The following ZFPM2 variants were observed in gnomAD, a reference collection of about 807,000 sequenced individuals.
ZFPM2 encodes zinc finger protein, FOG family member 2, also known as zinc finger protein ZFPM2.
A neutral mutation model predicts 98.6 loss-of-function variants in ZFPM2; 20 were observed. That is an observed-to-expected ratio of 0.20 (90% CI 0.14 to 0.29). ZFPM2 has a LOEUF of 0.29. Among genes scored for constraint, ZFPM2 ranks in the 10% least tolerant of loss-of-function variants. The pLI, the probability that ZFPM2 is intolerant of heterozygous loss-of-function variation, is 1.00. For missense variants in ZFPM2, 1,310 were observed against 1,388.6 expected (o/e 0.94, Z 0.90); for synonymous variants, 518 against 502.7 (o/e 1.03, Z -0.41).
intron 3 of ZFPM2, among the ~76,000 whole-genome samples, chr8:105,486,114 C>G (rs1309716081): frequency 6.6e-6 from 1 of 151,982 alleles, no homozygotes; most frequent in African/African-American, 2.4e-5. Flanking sequence ...ATTCCTTCTG[C>G]TTGACTCATA....
chr8:105,421,493 C>A (rs2130092021), intron 2 of ZFPM2, among the ~76,000 whole-genome samples: 1 of 152,134 alleles, frequency 6.6e-6, no homozygotes, highest in Admixed American at 6.5e-5. Context: ...TTTACTCTTG[C>A]AGAATGTGTG....
Position 105,798,763 on chromosome 8 carries a change from G to A in ZFPM2, c.779G>A (p.Arg260Gln), listed in dbSNP as rs200834568. 2.7e-5 allele frequency: 43 copies of A among 1,613,854 alleles called. No individual in the cohort carries two copies. The highest frequency in any genetic ancestry group is 4.0e-5 in the African/African-American group (3 of 75,014). ...FPCKSCGIWY[R>Q]SERNLQAHLM... is the part of the protein sequence containing the mutation. ...TGCAAGTCCTGTGGCATCTGGTATC[G>A]GAGTGAGCGGAATCTGCAGGCCCAT... Residue 260 changes from arginine (R) to glutamine (Q), a missense_variant, in exon 7 of 8, where the codon CGG becomes CAG. Coordinates refer to ENST00000407775, the MANE Select transcript of ZFPM2 (RefSeq NM_012082.4).
At chr8:105,788,052 A>G (rs1260713629) in intron 5 of ZFPM2, among the ~76,000 whole-genome samples, 1 of 152,208 alleles carries the variant, frequency 6.6e-6, no homozygotes, top group Non-Finnish European at 1.5e-5. Context: ...GATTTTTGGC[A>G]TATCTTCATT....
intron 5 of ZFPM2, among the ~76,000 whole-genome samples, chr8:105,769,520 T>C (rs1812936435): frequency 6.6e-6 from 1 of 152,032 alleles, no homozygotes; most frequent in South Asian, 2.1e-4. Flanking sequence ...GACTTTTTAT[T>C]TTGGAAAGAT....
chr8:105,667,436 CA>C (rs1212018281), intron 5 of ZFPM2, among the ~76,000 whole-genome samples: 12 of 152,088 alleles, frequency 7.9e-5, no homozygotes, highest in African/African-American at 2.9e-4. Flanking sequence ...ATGATTCATT[CA>C]AAATGCAACC....
At chr8:105,381,091 A>G (rs10095725) in intron 1 of ZFPM2, among the ~76,000 whole-genome samples, 134,932 of 135,764 alleles carry the variant, frequency 0.99, 67,057 homozygotes, top group East Asian at 1. Flanking sequence ...CCCACCCCTC[A>G]ACAGGCCCTG....
intron 3 of ZFPM2, among the ~76,000 whole-genome samples, chr8:105,517,410 CAAAT>C (rs1017619747): frequency 1.3e-5 from 2 of 151,970 alleles, no homozygotes; most frequent in Admixed American, 1.3e-4. Context: ...ATATAATTGA[CAAAT>C]AAAAATTATA....
At chr8:105,643,667 G>A (rs184864807) in intron 5 of ZFPM2, among the ~76,000 whole-genome samples, 3 of 152,260 alleles carry the variant, frequency 2.0e-5, no homozygotes, top group Admixed American at 2.0e-4. Context: ...TTGACCACAA[G>A]GAGATGTGAG....
intron 1 of ZFPM2, among the ~76,000 whole-genome samples, chr8:105,397,250 T>TA (rs1421014157): frequency 6.6e-6 from 1 of 152,098 alleles, no homozygotes; most frequent in Non-Finnish European, 1.5e-5. Flanking sequence ...TGCATCAAAA[T>TA]AAAAAAGATT....
chr8:105,372,635 G>C (rs530182074), intron 1 of ZFPM2, among the ~76,000 whole-genome samples: 3 of 152,204 alleles, frequency 2.0e-5, no homozygotes, highest in South Asian at 4.2e-4. Flanking sequence ...TAGTGTCCTA[G>C]GGTTGATTTA....
At chr8:105,721,489 A>G (rs1811663217) in intron 5 of ZFPM2, among the ~76,000 whole-genome samples, 1 of 151,978 alleles carries the variant, frequency 6.6e-6, no homozygotes, top group Non-Finnish European at 1.5e-5. Context: ...TAATGACAAC[A>G]GATTATATTA....
In ZFPM2 at chr8:105,803,120, A is replaced by C. The variant is rs1349096803; in HGVS notation, c.3038A>C (p.Glu1013Ala). 1 of 1,613,936 alleles carries C rather than the reference A, an allele frequency of 6.2e-7. No homozygotes were observed. The highest frequency in any genetic ancestry group is 1.7e-5 in the Admixed American group (1 of 60,002). The stretch of plus-strand genomic sequence containing the variant: ...GAGCAAAGCAGAAATGCAGAAAATG[A>C]ATCTCCTAAAGGCCAGGCTTCCTCA... ...DIEQSRNAEN[E>A]SPKGQASSNG... The change falls in exon 8 of 8, where the codon GAA (glutamate) becomes GCA (alanine). Residue 1013 changes from glutamate (E) to alanine (A), a missense_variant. Physicochemically the swap from Glu to Ala is moderately radical, Grantham distance 107. Transcript: ENST00000407775.
At chr8:105,714,358 C>T (rs1463175217) in intron 5 of ZFPM2, among the ~76,000 whole-genome samples, 2 of 152,054 alleles carry the variant, frequency 1.3e-5, no homozygotes, top group Non-Finnish European at 2.9e-5. Flanking sequence ...GATGTAGGAA[C>T]CTTTTGGCAG....
intron 3 of ZFPM2, among the ~76,000 whole-genome samples, chr8:105,472,516 T>C (rs1812923913): frequency 6.6e-6 from 1 of 152,156 alleles, no homozygotes. Context: ...TGTTTTGTGT[T>C]TTTTGAGACG....
chr8:105,392,842 A>C (rs1337156025), intron 1 of ZFPM2, among the ~76,000 whole-genome samples: 1 of 152,130 alleles, frequency 6.6e-6, no homozygotes, highest in Non-Finnish European at 1.5e-5. Flanking sequence ...GATTGTATTA[A>C]ATTTTATCTT....
intron 3 of ZFPM2, among the ~76,000 whole-genome samples, chr8:105,485,241 G>A (rs1039585988): frequency 1.3e-5 from 2 of 152,256 alleles, no homozygotes; most frequent in Non-Finnish European, 1.5e-5. Context: ...CCTGCAGGGA[G>A]CAGCAGCATC....
chr8:105,470,746 C>G (rs1270494846), intron 3 of ZFPM2, among the ~76,000 whole-genome samples: 2 of 151,602 alleles, frequency 1.3e-5, no homozygotes, highest in African/African-American at 4.8e-5. Flanking sequence ...CCACTGCACT[C>G]CAGCCTAGGT....
At chr8:105,428,723 G>A (rs565636249) in intron 2 of ZFPM2, among the ~76,000 whole-genome samples, 5 of 152,130 alleles carry the variant, frequency 3.3e-5, no homozygotes, top group East Asian at 1.9e-4. Flanking sequence ...AATAAAAAAC[G>A]AAGAAAGGAA....
At chr8:105,447,031 G>A (rs183564232) in intron 3 of ZFPM2, among the ~76,000 whole-genome samples, 1 of 152,190 alleles carries the variant, frequency 6.6e-6, no homozygotes, top group Admixed American at 6.5e-5. Context: ...TTTTCCAACT[G>A]TAGTCAGAGA....
Sources: gnomAD v4.1 joint callset for allele counts (sites outside exome capture counted in the v4.1 genomes callset) on GRCh38, gnomAD v4.1.1 for gene constraint, MANE v1.5 for transcripts, NCBI Gene and HGNC (gene_info 2026-07-23, HGNC 2026-07-21) for gene names.